Variants in LRP1B observed in about 807,000 individuals in gnomAD.
LRP1B encodes the protein LDL receptor related protein 1B, also known as low-density lipoprotein receptor-related protein 1B.
In LRP1B, 217 loss-of-function variants were observed where a neutral mutation model predicts 556.6. The observed-to-expected ratio is 0.39, with a 90% confidence interval of 0.35 to 0.44. The LOEUF is 0.44. Ranked by LOEUF, LRP1B falls within the 20% of genes least tolerant of loss-of-function variation. The probability of loss-of-function intolerance (pLI) is 1.00; values close to 1 mark genes in which losing one functional copy is unlikely to be tolerated. For synonymous variants in LRP1B, 2,047 were observed against 1,865.8 expected (o/e 1.10, Z -2.50); for missense variants, 5,053 against 5,620.8 (o/e 0.90, Z 3.23).
chr2:141,810,129 G>GAA (rs1558890906), intron 2 of LRP1B, 150 bp downstream of exon 2: 1 of 387,294 alleles, frequency 2.6e-6, no homozygotes. Flanking sequence ...AAGAAAGAAA[G>GAA]AAAGAAAGAA....
intron 3 of LRP1B, among the ~76,000 whole-genome samples, chr2:141,356,946 T>C (rs1688647388): frequency 6.6e-6 from 1 of 152,188 alleles, no homozygotes; most frequent in Non-Finnish European, 1.5e-5. Context: ...CTCCCTTTCA[T>C]TTCTGTCATG....
intron 18 of LRP1B, among the ~76,000 whole-genome samples, chr2:140,972,616 C>T (rs1485299937): frequency 2.0e-5 from 3 of 151,822 alleles, no homozygotes; most frequent in Admixed American, 6.6e-5. Flanking sequence ...GGAAAAAATG[C>T]AAATAATATT....
intron 41 of LRP1B, among the ~76,000 whole-genome samples, chr2:140,698,920 A>T (rs1335689604): frequency 3.9e-5 from 6 of 152,062 alleles, no homozygotes. Context: ...ATTATGCAAT[A>T]CTCCCAAATC....
At chr2:140,236,017 G>C (rs1680683091) in intron 89 of LRP1B, among the ~76,000 whole-genome samples, 1 of 150,912 alleles carries the variant, frequency 6.6e-6, no homozygotes, top group African/African-American at 2.4e-5. Flanking sequence ...TTTTAAAGCA[G>C]AAAATATCAA....
intron 86 of LRP1B, among the ~76,000 whole-genome samples, chr2:140,264,499 C>T (rs1682096931): frequency 6.6e-6 from 1 of 152,096 alleles, no homozygotes; most frequent in African/African-American, 2.4e-5. Context: ...AGTGATCCGC[C>T]CACCTCGGCA....
intron 1 of LRP1B, among the ~76,000 whole-genome samples, chr2:141,979,349 A>G (rs569169834): frequency 6.6e-6 from 1 of 152,206 alleles, no homozygotes; most frequent in East Asian, 1.9e-4. Context: ...GCTTGAACAA[A>G]AACCAGTGTA....
intron 37 of LRP1B, among the ~76,000 whole-genome samples, chr2:140,714,845 G>C (rs995099148): frequency 6.6e-6 from 1 of 152,054 alleles, no homozygotes; most frequent in Non-Finnish European, 1.5e-5. Flanking sequence ...ATGACAGGCT[G>C]TCTCAAAAAC....
At chr2:141,215,706 A>T (rs755329284) in intron 6 of LRP1B, among the ~76,000 whole-genome samples, 4 of 152,198 alleles carry the variant, frequency 2.6e-5, no homozygotes, top group Non-Finnish European at 5.9e-5. Flanking sequence ...CTATGGATCT[A>T]TGGAAGTTTG....
intron 84 of LRP1B, among the ~76,000 whole-genome samples, chr2:140,291,890 C>CT (rs1372231946): frequency 1.3e-5 from 2 of 152,150 alleles, no homozygotes; most frequent in African/African-American, 4.8e-5. Flanking sequence ...ACCACACTGT[C>CT]TTCCACAATG....
chr2:142,007,084 A>C (rs1702827110), intron 1 of LRP1B, among the ~76,000 whole-genome samples: 1 of 152,208 alleles, frequency 6.6e-6, no homozygotes. Context: ...TTGCCTCCAG[A>C]TTTCACATTT....
In LRP1B at chr2:140,567,579, C is replaced by T. The variant is rs537350372; in HGVS notation, c.7195-25608G>A. 4.6e-5 allele frequency among the ~76,000 whole-genome samples: 7 copies of T among 152,266 alleles called. 1 individual carries two copies. The South Asian group carries it at 1.0e-3, about 23-fold the overall frequency. ...TCCTGGTTGTCTGAGCAATCAACATCCAATTCTGGAACAAAGAGTGAAGTT... is the reference window on the plus strand; with the variant it reads ...TCCTGGTTGTCTGAGCAATCAACATTCAATTCTGGAACAAAGAGTGAAGTT... On this transcript the variant is annotated intron_variant, in intron 43 of 90. Transcript: ENST00000389484.
rs552414494 is a variant in LRP1B, at chr2:140,757,187, C to G, written c.5758+12026G>C. 4.6e-5 allele frequency among the ~76,000 whole-genome samples: 7 copies of G among 152,280 alleles called. No individual in the cohort carries two copies. In the East Asian group the frequency reaches 1.2e-3, roughly 25 times the overall value. On this transcript the variant is annotated intron_variant, in intron 35 of 90. Transcript: ENST00000389484. ...GACAATGTGCAGACAATGAAACCCT[C>G]ACACTCTACTGATGTGAATGCAAAT...
chr2:140,528,584 T>C (rs943795497), intron 47 of LRP1B, among the ~76,000 whole-genome samples: 2 of 151,844 alleles, frequency 1.3e-5, no homozygotes, highest in Admixed American at 6.6e-5. Flanking sequence ...GAGGTGCAAG[T>C]AGGAACAGAT....
At chr2:141,364,179 T>C (rs904563051) in intron 3 of LRP1B, among the ~76,000 whole-genome samples, 1 of 152,014 alleles carries the variant, frequency 6.6e-6, no homozygotes, top group African/African-American at 2.4e-5. Context: ...ATCAGTGTCA[T>C]GGGAAGAGGA....
chr2:141,932,696 A>G (rs1700538755), intron 1 of LRP1B, among the ~76,000 whole-genome samples: 1 of 152,074 alleles, frequency 6.6e-6, no homozygotes, highest in Admixed American at 6.6e-5. Context: ...ATTCATGACT[A>G]TCTTATGAAT....
intron 1 of LRP1B, among the ~76,000 whole-genome samples, chr2:142,016,134 C>G (rs569392985): frequency 1.3e-5 from 2 of 151,906 alleles, no homozygotes; most frequent in East Asian, 1.9e-4. Context: ...CAATGAGATA[C>G]CATCTCATGC....
At chr2:140,476,487 A>G (rs1687979475) in intron 59 of LRP1B, among the ~76,000 whole-genome samples, 2 of 152,018 alleles carry the variant, frequency 1.3e-5, no homozygotes, top group African/African-American at 4.8e-5. Context: ...ATAAATTCTG[A>G]CAGACATAAT....
At chr2:141,417,003 T>A (rs1350896850) in intron 3 of LRP1B, among the ~76,000 whole-genome samples, 2 of 152,222 alleles carry the variant, frequency 1.3e-5, no homozygotes, top group Non-Finnish European at 2.9e-5. Context: ...TAACTTTTTT[T>A]ACAAAGAATA....
intron 41 of LRP1B, among the ~76,000 whole-genome samples, chr2:140,623,956 G>GTATATATATATATATATATATATATATA (rs3060390): frequency 0.031 from 3,309 of 105,724 alleles, 290 homozygotes; most frequent in South Asian, 0.047. Context: ...TTTTATTTAT[G>GTATATATATATATATATATATATATATA]TATATATATA....
Sources: gnomAD v4.1 joint callset for allele counts (sites outside exome capture counted in the v4.1 genomes callset) on GRCh38, gnomAD v4.1.1 for gene constraint, MANE v1.5 for transcripts, NCBI Gene and HGNC (gene_info 2026-07-23, HGNC 2026-07-21) for gene names.